Variants in GLP2R observed in about 807,000 individuals in gnomAD.
GLP2R encodes glucagon like peptide 2 receptor.
GLP2R carries 59 observed loss-of-function variants against 68.2 expected under a neutral mutation model. The observed-to-expected ratio is 0.87, with a 90% CI of 0.70 to 1.07. The LOEUF (loss-of-function observed/expected upper bound fraction) is 1.07. Among genes scored for constraint, GLP2R ranks in the 50% least tolerant of loss-of-function variants. GLP2R has a pLI of 0.00. For synonymous variants in GLP2R, 270 were observed against 265.4 expected (o/e 1.02, Z -0.17); for missense variants, 548 against 677.4 (o/e 0.81, Z 2.12).
intron 1 of GLP2R, among the ~76,000 whole-genome samples, chr17:9,833,134 G>A (rs958105755): frequency 4.0e-5 from 6 of 151,806 alleles, no homozygotes; most frequent in African/African-American, 9.7e-5. Flanking sequence ...ACGGTGGTGC[G>A]CACCTGTAGT....
intron 4 of GLP2R, among the ~76,000 whole-genome samples, 196 bp from the exon 5 acceptor site, chr17:9,854,299 G>T (rs1022756305): frequency 6.6e-6 from 1 of 152,226 alleles, no homozygotes; most frequent in African/African-American, 2.4e-5. Flanking sequence ...ACTTGTTAAG[G>T]CTCCTTGGCC....
chr17:9,861,010 C>T, intron 7 of GLP2R, 129 bp from the exon 8 acceptor site: 1 of 698,226 alleles, frequency 1.4e-6, no homozygotes, highest in East Asian at 2.5e-5. Flanking sequence ...CCAGCTCTCA[C>T]AGTCCACAAC....
intron 12 of GLP2R, among the ~76,000 whole-genome samples, chr17:9,888,922 C>T (rs1431397430): frequency 6.6e-6 from 1 of 152,240 alleles, no homozygotes; most frequent in Non-Finnish European, 1.5e-5. Flanking sequence ...TCAACCTCCT[C>T]TCGCCCTACT....
chr17:9,864,184 C>T (rs2067012543), intron 9 of GLP2R, among the ~76,000 whole-genome samples: 1 of 152,204 alleles, frequency 6.6e-6, no homozygotes, highest in South Asian at 2.1e-4. Flanking sequence ...AGTTGAAAAG[C>T]ATGTTGCTAC....
rs1457902354 is a variant in GLP2R at position 9,891,410 on chromosome 17, A to G, written c.*1705A>G. On this transcript the variant is annotated 3_prime_UTR_variant, in exon 13 of 13. Coordinates refer to ENST00000262441, the MANE Select transcript of GLP2R (RefSeq NM_004246.3). The stretch of plus-strand genomic sequence containing the variant: ...ACAAACTACAGCCCATGAGCCATTT[A>G]TAGAAATGAAATTTGATTGGAGCCA... The G allele has an allele frequency of 6.6e-6, 1 of 152,264 alleles. No homozygotes were observed. The highest frequency in any genetic ancestry group is 1.9e-4 in the East Asian group (1 of 5,204). 9.4% of individuals were successfully genotyped at this position (152,264 alleles called of 1,614,324 possible).
chr17:9,847,013 G>A (rs1033166331), intron 4 of GLP2R, among the ~76,000 whole-genome samples: 1 of 152,238 alleles, frequency 6.6e-6, no homozygotes, highest in African/African-American at 2.4e-5. Context: ...AGAAAGGCTA[G>A]GATTTGTTAA....
intron 1 of GLP2R, among the ~76,000 whole-genome samples, chr17:9,826,700 T>C (rs1304066335): frequency 1.3e-5 from 2 of 152,224 alleles, no homozygotes; most frequent in Non-Finnish European, 2.9e-5. Context: ...CTTTTTCCTT[T>C]CATTACAAAA....
chr17:9,833,972 A>G (rs567786895), intron 2 of GLP2R, 78 bp downstream of exon 2: 2 of 866,094 alleles, frequency 2.3e-6, no homozygotes, highest in East Asian at 2.5e-5. Flanking sequence ...ATAACTAGTC[A>G]CTTATTACTT....
intron 5 of GLP2R, 60 bp from the exon 6 acceptor site, chr17:9,857,363 G>A (rs1842317252): frequency 4.7e-6 from 7 of 1,496,390 alleles, no homozygotes; most frequent in African/African-American, 4.1e-5. Flanking sequence ...AAAAGGCAGA[G>A]GCCTGTTGGT....
At chr17:9,833,333 C>G (rs1349627343) in intron 1 of GLP2R, among the ~76,000 whole-genome samples, 1 of 150,722 alleles carries the variant, frequency 6.6e-6, no homozygotes. Context: ...ATGGTCACCT[C>G]CAGAGCAGAG....
intron 10 of GLP2R, among the ~76,000 whole-genome samples, chr17:9,875,320 T>C (rs2067133938): frequency 6.6e-6 from 1 of 152,208 alleles, no homozygotes; most frequent in Non-Finnish European, 1.5e-5. Context: ...TTCCTCTTCC[T>C]CATCCCCTTC....
At chr17:9,843,850 G>T (rs576469081) in intron 4 of GLP2R, among the ~76,000 whole-genome samples, 1 of 152,322 alleles carries the variant, frequency 6.6e-6, no homozygotes, top group Non-Finnish European at 1.5e-5. Context: ...CGATGGGTTA[G>T]GTTTTTGCAC....
At chr17:9,844,064 GATGGCCA>G (rs1465012501) in intron 4 of GLP2R, among the ~76,000 whole-genome samples, 1 of 152,132 alleles carries the variant, frequency 6.6e-6, no homozygotes, top group Non-Finnish European at 1.5e-5. Context: ...GTGAGAAGGA[GATGGCCA>G]TAGTAAGAGA....
At chr17:9,879,558 TGAGGCCC>T (rs1266201532) in intron 10 of GLP2R, among the ~76,000 whole-genome samples, 2 of 152,078 alleles carry the variant, frequency 1.3e-5, no homozygotes, top group African/African-American at 2.4e-5. Context: ...GAGTTGATAC[TGAGGCCC>T]AGGAAACTAT....
chr17:9,885,437 G>T (rs1269931255), intron 11 of GLP2R, among the ~76,000 whole-genome samples: 1 of 151,888 alleles, frequency 6.6e-6, no homozygotes, highest in Non-Finnish European at 1.5e-5. Flanking sequence ...GTGATTTTCG[G>T]CTGGGGCTGC....
Position 9,841,183 on chromosome 17 carries a change from ATTT to A in GLP2R, c.383-1298_383-1296del, listed in dbSNP as rs139792270. On this transcript the variant is annotated intron_variant, in intron 3 of 12. Coordinates refer to ENST00000262441, the MANE Select transcript of GLP2R (RefSeq NM_004246.3). ...AGGAGCTCGCTACCATGCCTAGCTA[ATTT>A]TTTTTTTTTTTTTGTATTTTTAGTA... 5.5e-3 allele frequency among the ~76,000 whole-genome samples: 794 copies of A among 144,342 alleles called. 6 individuals are homozygous for A. Among genetic ancestry groups the A allele is most frequent in the African/African-American group, 0.011 (438 of 38,886 alleles). 94.7% of individuals were successfully genotyped at this position (144,342 alleles called of 152,430 possible). A position where few individuals can be genotyped will look rare whatever the true frequency, so the allele number is the denominator to read the frequency against.
intron 4 of GLP2R, chr17:9,852,884 CA>C: frequency 2.2e-6 from 1 of 446,640 alleles, no homozygotes; most frequent in Non-Finnish European, 4.2e-6. Flanking sequence ...CTACCACTTC[CA>C]GGGGCAGATT....
At chr17:9,877,671 C>T (rs1013258483) in intron 10 of GLP2R, among the ~76,000 whole-genome samples, 2 of 152,024 alleles carry the variant, frequency 1.3e-5, no homozygotes, top group South Asian at 2.1e-4. Flanking sequence ...GGGCGGATCA[C>T]AAGGTCAGGA....
At chr17:9,875,563 C>A (rs376824969) in intron 10 of GLP2R, among the ~76,000 whole-genome samples, 1 of 152,212 alleles carries the variant, frequency 6.6e-6, no homozygotes, top group African/African-American at 2.4e-5. Context: ...AGCTAGAGAA[C>A]CTTCTGTAGT....
Sources: gnomAD v4.1 joint callset for allele counts (sites outside exome capture counted in the v4.1 genomes callset) on GRCh38, gnomAD v4.1.1 for gene constraint, MANE v1.5 for transcripts, NCBI Gene and HGNC (gene_info 2026-07-23, HGNC 2026-07-21) for gene names.